TIAM1: variants seen among roughly 807,000 people sequenced by gnomAD.
TIAM1 encodes the protein TIAM Rac1 associated GEF 1.
Under a neutral mutation model 163.5 loss-of-function variants are expected in TIAM1, and 65 were observed. The ratio of observed to expected loss-of-function variants is 0.40; its 90% CI spans 0.33 to 0.49. TIAM1 has a LOEUF of 0.49. TIAM1 is among the 20% of genes least tolerant of loss of function. The probability of loss-of-function intolerance (pLI) is 0.77; values close to 1 mark genes in which losing one functional copy is unlikely to be tolerated. For synonymous variants in TIAM1, 833 were observed against 810.1 expected (o/e 1.03, Z -0.48); for missense variants, 1,789 against 2,044.7 (o/e 0.87, Z 2.41).
chr21:31,399,422 T>C (rs973070582), intron 2 of TIAM1, among the ~76,000 whole-genome samples: 1 of 152,226 alleles, frequency 6.6e-6, no homozygotes, highest in Non-Finnish European at 1.5e-5. Flanking sequence ...AATAATTATA[T>C]ACAATACATT....
chr21:31,246,232 T>C (rs144696301), intron 5 of TIAM1, among the ~76,000 whole-genome samples: 1,634 of 152,246 alleles, frequency 0.011, 31 homozygotes, highest in African/African-American at 0.037. Context: ...TTTTTTTTTT[T>C]CTAGAAGCCA....
chr21:31,515,905 C>G (rs906975115), intron 1 of TIAM1, among the ~76,000 whole-genome samples: 1 of 142,212 alleles, frequency 7.0e-6, no homozygotes, highest in South Asian at 2.3e-4. Flanking sequence ...GTCAGGAGTT[C>G]GAGACCAGCC....
intron 6 of TIAM1, among the ~76,000 whole-genome samples, chr21:31,239,793 C>T (rs543149857): frequency 3.0e-4 from 46 of 152,212 alleles, no homozygotes; most frequent in Non-Finnish European, 5.7e-4. Context: ...TGCTCAATTT[C>T]ATATTAATAT....
intron 23 of TIAM1, among the ~76,000 whole-genome samples, chr21:31,134,755 T>C (rs2146251371): frequency 6.6e-6 from 1 of 152,222 alleles, no homozygotes; most frequent in East Asian, 1.9e-4. Context: ...AAGTGATCCG[T>C]CCACCTTGGC....
chr21:31,482,796 C>T (rs2046156332), intron 1 of TIAM1, among the ~76,000 whole-genome samples: 4 of 152,306 alleles, frequency 2.6e-5, no homozygotes, highest in Non-Finnish European at 4.4e-5. Flanking sequence ...CAACGTAACA[C>T]TGAAAACAGC....
intron 15 of TIAM1, among the ~76,000 whole-genome samples, chr21:31,177,072 C>T (rs558629359): frequency 3.9e-5 from 6 of 152,332 alleles, no homozygotes; most frequent in African/African-American, 1.4e-4. Context: ...AGAGCAATCT[C>T]TGGTCATAGG....
chr21:31,531,241 C>G (rs950094880), intron 1 of TIAM1, among the ~76,000 whole-genome samples: 8 of 152,138 alleles, frequency 5.3e-5, no homozygotes, highest in Non-Finnish European at 7.3e-5. Flanking sequence ...GGTACTCCAC[C>G]CTGGGCCTCT....
intron 4 of TIAM1, among the ~76,000 whole-genome samples, chr21:31,256,595 AC>A (rs1569115668): frequency 1.5e-4 from 22 of 144,622 alleles, no homozygotes; most frequent in African/African-American, 6.0e-4. Context: ...CACTACACAC[AC>A]ACACACACAC....
intron 15 of TIAM1, among the ~76,000 whole-genome samples, chr21:31,167,088 CTTTTT>C (rs72031739): frequency 2.2e-4 from 28 of 125,100 alleles, no homozygotes; most frequent in African/African-American, 8.5e-4. Flanking sequence ...AAAGGATTTC[CTTTTT>C]TTTTTTTTTT....
intron 15 of TIAM1, among the ~76,000 whole-genome samples, chr21:31,169,490 A>C (rs1455655117): frequency 6.6e-6 from 1 of 152,164 alleles, no homozygotes; most frequent in African/African-American, 2.4e-5. Context: ...AGAGCTCCTA[A>C]AGAAACCTTC....
rs565989473 is a variant in TIAM1, at chr21:31,330,079, T to C, written c.-189+9164A>G. On this transcript the variant is annotated intron_variant, in intron 2 of 27. Coordinates refer to ENST00000541036, the MANE Select transcript of TIAM1 (RefSeq NM_001353694.2). ...CATAGTTCACATTAGGGTTCAGTCT[T>C]GGAGCTGTAGATTCCATGGCTTTGG... 1.2e-3 allele frequency among the ~76,000 whole-genome samples: 185 copies of C among 152,318 alleles called. No homozygotes were observed. In the Middle Eastern group the frequency reaches 0.017, roughly 14 times the overall value.
At chr21:31,513,325 C>A (rs2047274465) in intron 1 of TIAM1, among the ~76,000 whole-genome samples, 1 of 152,170 alleles carries the variant, frequency 6.6e-6, no homozygotes, top group Non-Finnish European at 1.5e-5. Flanking sequence ...GCTACCTGCC[C>A]AAAGTTAAGA....
At chr21:31,394,724 TCTCTCACACACACACACA>T (rs1455971463) in intron 2 of TIAM1, among the ~76,000 whole-genome samples, 20 of 128,792 alleles carry the variant, frequency 1.6e-4, no homozygotes, top group South Asian at 3.0e-4. Flanking sequence ...TCTCTCTCTC[TCTCTCACACACACACACA>T]CACACACACA....
intron 15 of TIAM1, among the ~76,000 whole-genome samples, chr21:31,165,803 C>CA (rs1481115527): frequency 2.6e-5 from 4 of 151,618 alleles, no homozygotes; most frequent in Non-Finnish European, 4.4e-5. Context: ...AACAGTACAA[C>CA]AAAAAAAATG....
chr21:31,374,822 A>T (rs1019221137), intron 2 of TIAM1, among the ~76,000 whole-genome samples: 1 of 152,262 alleles, frequency 6.6e-6, no homozygotes, highest in Non-Finnish European at 1.5e-5. Context: ...GAATATATTT[A>T]TAAAAGAAAA....
chr21:31,188,016 A>G (rs1430223275), intron 13 of TIAM1, among the ~76,000 whole-genome samples: 2 of 152,088 alleles, frequency 1.3e-5, no homozygotes, highest in African/African-American at 4.8e-5. Flanking sequence ...ATAGATACCC[A>G]TCGTAATGCT....
At chr21:31,148,948 A>T (rs2083254662) in intron 19 of TIAM1, among the ~76,000 whole-genome samples, 1 of 100,966 alleles carries the variant, frequency 9.9e-6, no homozygotes, top group Non-Finnish European at 2.0e-5. Context: ...AGATTTTAAC[A>T]AGTTTTTCTT....
At chr21:31,507,006 ACTTG>A (rs2057373527) in intron 1 of TIAM1, among the ~76,000 whole-genome samples, 1 of 152,060 alleles carries the variant, frequency 6.6e-6, no homozygotes, top group Non-Finnish European at 1.5e-5. Context: ...ATCAACAGAC[ACTTG>A]GGTTGCTTCC....
intron 1 of TIAM1, among the ~76,000 whole-genome samples, chr21:31,537,098 T>C (rs2048160724): frequency 6.6e-6 from 1 of 152,230 alleles, no homozygotes; most frequent in East Asian, 1.9e-4. Flanking sequence ...TGTCTTCGTG[T>C]GGCATTCTCT....
Sources: allele counts gnomAD v4.1 joint callset (sites outside exome capture counted in the v4.1 genomes callset), GRCh38; gene constraint gnomAD v4.1.1; transcripts MANE v1.5; gene names NCBI Gene and HGNC (gene_info 2026-07-23, HGNC 2026-07-21).